AKR1C2: variants seen among roughly 807,000 people sequenced by gnomAD.
AKR1C2 encodes the protein 3-alpha-HSD3.
In AKR1C2, 27 loss-of-function variants were observed where a neutral mutation model predicts 39.8. The observed-to-expected ratio is 0.68, with a 90% confidence interval of 0.50 to 0.93. AKR1C2 has a LOEUF of 0.93. Among genes scored for constraint, AKR1C2 ranks in the 40% least tolerant of loss-of-function variants. The probability of loss-of-function intolerance (pLI) is 0.00; values close to 1 mark genes in which losing one functional copy is unlikely to be tolerated. For synonymous variants in AKR1C2, 114 were observed against 137.9 expected, an observed-to-expected ratio of 0.83 and a Z score of 1.22; for missense variants, 263 against 365.1, an observed-to-expected ratio of 0.72 and a Z score of 2.28.
At position 5,001,614 on chromosome 10, in the gene AKR1C2, G is replaced by T. The variant is rs563941205; in HGVS notation, c.152C>A (p.Ser51Tyr). 1 of 1,614,036 alleles carries T rather than the reference G, an allele frequency of 6.2e-7. No homozygotes were observed. Among genetic ancestry groups the T allele is most frequent in the South Asian group, 1.1e-5 (1 of 91,072 alleles). The change falls in exon 2 of 9, where the codon TCT (serine) becomes TAT (tyrosine). Residue 51 changes from serine to tyrosine, a missense_variant. By Grantham distance (144) the Ser-to-Tyr change is moderately radical (BLOSUM62 -2). Around this residue, in one of 3 missense-constraint regions of AKR1C2, gnomAD observed 247 missense variants for 267.9 expected, o/e 0.92. Transcript: ENST00000380753. ...AIEAGFHHID[S>Y]AHVYNNEEQV... ...CTCCTCATTATTGTAAACATGTGCA[G>T]AATCAATATGGTGGAACCCGGCTTC...
chr10:5,004,859 A>T (rs1554774250), upstream of AKR1C2: 2 of 140,764 alleles, frequency 1.4e-5, no homozygotes, highest in Non-Finnish European at 3.1e-5. Context: ...TAAAACAAAC[A>T]GAAATTGAAA....
chr10:5,014,464 G>A (rs543679731), intron 1 of AKR1C2, among the ~76,000 whole-genome samples: 23 of 152,142 alleles, frequency 1.5e-4, no homozygotes, highest in African/African-American at 5.3e-4. Context: ...GCTATCATGT[G>A]TATATTTTGG....
intron 7 of AKR1C2, among the ~76,000 whole-genome samples, chr10:4,993,232 T>A (rs1836903592): frequency 6.6e-6 from 1 of 152,168 alleles, no homozygotes; most frequent in Non-Finnish European, 1.5e-5. Context: ...ATGAAGAAGT[T>A]AGAAAAATAT....
chr10:5,014,668 C>G (rs1837599396), intron 1 of AKR1C2, among the ~76,000 whole-genome samples: 1 of 152,164 alleles, frequency 6.6e-6, no homozygotes, highest in African/African-American at 2.4e-5. Context: ...GGTTGGGTGC[C>G]TGGCTGTGCA....
chr10:5,006,753 A>G (rs1588308754), upstream of AKR1C2, among the ~76,000 whole-genome samples: 1 of 151,472 alleles, frequency 6.6e-6, no homozygotes, highest in African/African-American at 2.4e-5. Context: ...ATTTCACCGA[A>G]TCCATATTTG....
Position 4,998,676 on chromosome 10 carries a change from C to T in AKR1C2, c.519G>A (p.Leu173=), listed in dbSNP as rs1554773424. 3 of 1,614,188 alleles carry T rather than the reference C, an allele frequency of 1.9e-6. No homozygotes were observed. The highest frequency in any genetic ancestry group is 3.3e-5 in the Admixed American group (2 of 60,026). ...IGVSNFNHRL[L]EMILNKPGLK... is the part of the protein sequence containing the mutation. ...GCCCTGGCTTGTTGAGGATCATCTC[C>T]AGCAGCCTGTGGTTGAAGTTGGACA... is the stretch of plus-strand genomic sequence containing the variant. Residue 173 remains leucine (L), a synonymous_variant, in exon 5 of 9, where the codon CTG becomes CTA. Transcript: ENST00000380753.
At chr10:5,006,662 G>A (rs1337973259), upstream of AKR1C2, 3 of 152,068 alleles carry the variant, frequency 2.0e-5, no homozygotes, top group Non-Finnish European at 4.4e-5. Flanking sequence ...AGGGATCCTG[G>A]ACAAGGTGAT....
chr10:4,994,481 A>G (rs1478808057), intron 7 of AKR1C2, among the ~76,000 whole-genome samples: 2 of 152,096 alleles, frequency 1.3e-5, no homozygotes, highest in Non-Finnish European at 2.9e-5. Flanking sequence ...GCATTAGGTG[A>G]TAGAATTTCC....
Position 5,003,827 on chromosome 10 carries a change from C to T in AKR1C2, c.9G>A (p.Ser3=), listed in dbSNP as rs374370545. 311 of 1,613,996 alleles carry T rather than the reference C, an allele frequency of 1.9e-4. No homozygotes were observed. The highest frequency in any genetic ancestry group is 2.4e-4 in the Non-Finnish European group (283 of 1,179,990). The change falls in exon 1 of 9, where the codon TCG becomes TCA. Residue 3 remains serine (S), a synonymous_variant. Coordinates refer to ENST00000380753, the MANE Select transcript of AKR1C2 (RefSeq NM_001393392.1). MD[S]KYQCVKLNDG... ...CATTCAGCTTCACACACTGGTATTT[C>T]GAATCCATTTCTGTCACTGGCCTGG...
At chr10:5,012,603 A>G (rs1447007989) in intron 1 of AKR1C2, among the ~76,000 whole-genome samples, 21 of 152,170 alleles carry the variant, frequency 1.4e-4, no homozygotes, top group African/African-American at 4.1e-4. Flanking sequence ...ATGGCCCAGA[A>G]TAGCATTTTC....
intron 1 of AKR1C2, among the ~76,000 whole-genome samples, chr10:5,013,803 A>T (rs1295112721): frequency 1.3e-5 from 2 of 152,228 alleles, no homozygotes. Flanking sequence ...ACCAGTATAC[A>T]TATATTACAA....
At chr10:5,010,474 G>A (rs7091942) in intron 1 of AKR1C2, 126,362 of 151,738 alleles carry the variant, frequency 0.83, 52,752 homozygotes, top group African/African-American at 0.87. Context: ...CTCAGGCTGG[G>A]TGGAGGCTGC....
intron 7 of AKR1C2, among the ~76,000 whole-genome samples, chr10:4,993,253 C>T (rs1157115953): frequency 6.6e-6 from 1 of 152,048 alleles, no homozygotes; most frequent in Non-Finnish European, 1.5e-5. Context: ...TTGTACCATA[C>T]TGGAAGTGAA....
rs1836774010 is a variant in AKR1C2, at chr10:4,989,899, C to A, written c.*97G>T. The A allele has an allele frequency of 1.4e-6, 2 of 1,459,578 alleles. No individual in the cohort carries two copies. Among genetic ancestry groups the A allele is most frequent in the Non-Finnish European group, 9.4e-7 (1 of 1,063,468 alleles). 90.4% of individuals were successfully genotyped at this position (1,459,578 alleles called of 1,614,324 possible). On this transcript the variant is annotated 3_prime_UTR_variant, in exon 9 of 9. Coordinates refer to ENST00000380753, the MANE Select transcript of AKR1C2 (RefSeq NM_001393392.1). ...AAGTCGCCAAGCAGGAGAGATTTAACCAGAGGCGATGTGTCCAGTCACCAG... is the reference window on the plus strand; with the variant it reads ...AAGTCGCCAAGCAGGAGAGATTTAAACAGAGGCGATGTGTCCAGTCACCAG...
At chr10:5,000,410 T>G (rs1554773707) in intron 3 of AKR1C2, 140 bp downstream of exon 3, 3 of 1,572,734 alleles carry the variant, frequency 1.9e-6, no homozygotes, top group Non-Finnish European at 2.6e-6. Flanking sequence ...TAGAAAGGAA[T>G]TAGGAGTTAT....
At chr10:5,000,708 A>G (rs782513897) in intron 2 of AKR1C2, 42 bp from the exon 3 acceptor site, 2 of 1,578,866 alleles carry the variant, frequency 1.3e-6, no homozygotes, top group Non-Finnish European at 8.6e-7. Flanking sequence ...TGAAAACTTG[A>G]GCCAGTTTTA....
intron 1 of AKR1C2, among the ~76,000 whole-genome samples, chr10:5,003,210 T>A (rs797033781): frequency 0.072 from 10,659 of 148,270 alleles, 437 homozygotes; most frequent in Middle Eastern, 0.12. Context: ...TCTAGTTTTT[T>A]TTTTTTTTTC....
rs1564323800 is a variant in AKR1C2 at position 4,988,585 on chromosome 10, G to GA, written c.*1410dup. The GA allele has an allele frequency of 6.6e-6, 1 of 152,144 alleles. No individual in the cohort carries two copies. The highest frequency in any genetic ancestry group is 1.5e-5 in the Non-Finnish European group (1 of 68,016). The allele number at this position is 152,144 out of a possible 1,614,324, so 9.4% of individuals were successfully genotyped here. Reference sequence around the variant, plus strand: ...AATTTTATAGAATAAGTAATTTACAGAAAAATTGTGAGCTGCAAAACTTGC... The same window carrying GA: ...AATTTTATAGAATAAGTAATTTACAGAAAAAATTGTGAGCTGCAAAACTTGC... On this transcript the variant is annotated 3_prime_UTR_variant, in exon 9 of 9. Coordinates refer to ENST00000380753, the MANE Select transcript of AKR1C2 (RefSeq NM_001393392.1).
rs782584044 is a variant in AKR1C2, at chr10:5,000,602, A to T, written c.317T>A (p.Leu106His). 1 of 1,614,062 alleles carries T rather than the reference A, an allele frequency of 6.2e-7. No homozygotes were observed. Among genetic ancestry groups the T allele is most frequent in the Non-Finnish European group, 8.5e-7 (1 of 1,179,934 alleles). ...RPALERSLKN[L>H]QLDYVDLYLI... ...ATAGAGGTCAACATAGTCCAATTGA[A>T]GATTTTTCAGTGACCTTTCCAAGGC... Residue 106 changes from leucine (L) to histidine (H), a missense_variant, in exon 3 of 9, where the codon CTT becomes CAT. By Grantham distance (99) the Leu-to-His change is moderately conservative (BLOSUM62 -3). Coordinates refer to ENST00000380753, the MANE Select transcript of AKR1C2 (RefSeq NM_001393392.1).
Sources: allele counts gnomAD v4.1 joint callset (sites outside exome capture counted in the v4.1 genomes callset), GRCh38; gene constraint gnomAD v4.1.1; regional missense constraint gnomAD v4.1.1; transcripts MANE v1.5; gene names NCBI Gene and HGNC (gene_info 2026-07-23, HGNC 2026-07-21).